The following ADGRB3 variants were observed in gnomAD, a reference collection of about 807,000 sequenced individuals.
The protein encoded by ADGRB3 is brain-specific angiogenesis inhibitor 3.
In ADGRB3, 37 loss-of-function variants were observed where a neutral mutation model predicts 193.4. The ratio of observed to expected loss-of-function variants is 0.19; its 90% confidence interval spans 0.15 to 0.25. ADGRB3 has a LOEUF of 0.25. Ranked by LOEUF, ADGRB3 falls within the 10% of genes least tolerant of loss-of-function variation. The probability of loss-of-function intolerance (pLI) is 1.00; values close to 1 mark genes in which losing one functional copy is unlikely to be tolerated. For missense variants in ADGRB3, 1,637 were observed against 1,852.9 expected (o/e 0.88, Z 2.14); for synonymous variants, 690 against 644.2 (o/e 1.07, Z -1.08).
rs550649766 is a variant in ADGRB3 at position 68,737,038 on chromosome 6, CTG to C, written c.757+97609_757+97610del. Among the ~76,000 whole-genome samples the C allele has an allele frequency of 5.9e-5, 9 of 152,118 alleles. No individual in the cohort carries two copies. The South Asian group carries it at 1.7e-3, about 28-fold the overall frequency. On this transcript the variant is annotated intron_variant, in intron 3 of 31. Coordinates refer to ENST00000370598, the MANE Select transcript of ADGRB3 (RefSeq NM_001704.3). ...ATATTACTTACGGCTATGTTTTAAT[CTG>C]TGAGAAAAGTATAATTTGCTTAAAT... is the stretch of plus-strand genomic sequence containing the variant.
At chr6:69,070,480 T>G (rs1772048258) in intron 16 of ADGRB3, among the ~76,000 whole-genome samples, 1 of 152,196 alleles carries the variant, frequency 6.6e-6, no homozygotes, top group Admixed American at 6.5e-5. Flanking sequence ...AGGAATATGC[T>G]TTAATGATCT....
chr6:68,879,295 C>A (rs1765673278), intron 3 of ADGRB3, among the ~76,000 whole-genome samples: 1 of 142,562 alleles, frequency 7.0e-6, no homozygotes, highest in South Asian at 2.3e-4. Flanking sequence ...CGGCTCACTG[C>A]AAGCTCCGCC....
intron 29 of ADGRB3, among the ~76,000 whole-genome samples, chr6:69,364,441 C>G (rs1582659065): frequency 6.6e-6 from 1 of 152,014 alleles, no homozygotes; most frequent in Non-Finnish European, 1.5e-5. Flanking sequence ...CAGCTTCCAG[C>G]CTTCATGGGA....
intron 3 of ADGRB3, among the ~76,000 whole-genome samples, chr6:68,843,302 A>G (rs1024765713): frequency 6.6e-6 from 1 of 152,042 alleles, no homozygotes; most frequent in African/African-American, 2.4e-5. Context: ...AAAAACTATT[A>G]GAGATAATAA....
At chr6:69,102,676 A>C (rs542041456) in intron 17 of ADGRB3, among the ~76,000 whole-genome samples, 1 of 152,372 alleles carries the variant, frequency 6.6e-6, no homozygotes, top group East Asian at 1.9e-4. Context: ...AGTGAAAAAT[A>C]GAGCATCAGT....
At chr6:69,334,025 T>C (rs1768788789) in intron 24 of ADGRB3, among the ~76,000 whole-genome samples, 1 of 148,344 alleles carries the variant, frequency 6.7e-6, no homozygotes, top group Admixed American at 6.7e-5. Flanking sequence ...ATAAAAAATA[T>C]GTATATATAA....
At chr6:68,893,668 A>T (rs1766142091) in intron 3 of ADGRB3, among the ~76,000 whole-genome samples, 1 of 151,996 alleles carries the variant, frequency 6.6e-6, no homozygotes, top group Non-Finnish European at 1.5e-5. Flanking sequence ...GCTTTTATGA[A>T]ACAAAGCGAG....
At chr6:68,701,518 A>G (rs1033836447) in intron 3 of ADGRB3, among the ~76,000 whole-genome samples, 12 of 152,202 alleles carry the variant, frequency 7.9e-5, no homozygotes, top group Admixed American at 1.3e-4. Context: ...CTTGTGATGT[A>G]TATATCTTTA....
intron 3 of ADGRB3, among the ~76,000 whole-genome samples, chr6:68,787,162 T>G (rs553815620): frequency 2.0e-5 from 3 of 152,170 alleles, no homozygotes; most frequent in African/African-American, 7.2e-5. Flanking sequence ...TCCTGCATGA[T>G]TGCCCTGGCC....
intron 4 of ADGRB3, among the ~76,000 whole-genome samples, 181 bp downstream of exon 4, chr6:68,930,850 A>G (rs1000468885): frequency 3.3e-5 from 5 of 152,128 alleles, no homozygotes; most frequent in Non-Finnish European, 7.4e-5. Context: ...GTGCACAAAA[A>G]TTATGTAAGA....
At chr6:68,886,702 T>TAACATTCAAATAG (rs1765916981) in intron 3 of ADGRB3, among the ~76,000 whole-genome samples, 4 of 152,192 alleles carry the variant, frequency 2.6e-5, no homozygotes, top group Admixed American at 2.6e-4. Context: ...TCCTTAACTG[T>TAACATTCAAATAG]AACATTCAAA....
chr6:68,719,912 A>C (rs1765547953), intron 3 of ADGRB3, among the ~76,000 whole-genome samples: 1 of 151,706 alleles, frequency 6.6e-6, no homozygotes, highest in African/African-American at 2.4e-5. Flanking sequence ...AGGGTCAGAA[A>C]GAAGAGAGAG....
At chr6:69,353,909 C>T (rs1422699883) in intron 26 of ADGRB3, among the ~76,000 whole-genome samples, 1 of 151,952 alleles carries the variant, frequency 6.6e-6, no homozygotes, top group African/African-American at 2.4e-5. Flanking sequence ...ACTAAAAATA[C>T]AATATTAGTC....
intron 18 of ADGRB3, among the ~76,000 whole-genome samples, chr6:69,234,346 G>C (rs1766216355): frequency 6.6e-6 from 1 of 151,932 alleles, no homozygotes; most frequent in Admixed American, 6.6e-5. Context: ...AAGACAGAAA[G>C]CTTATTTTTC....
intron 17 of ADGRB3, among the ~76,000 whole-genome samples, chr6:69,136,246 C>T (rs1010981522): frequency 6.6e-6 from 1 of 151,916 alleles, no homozygotes; most frequent in Non-Finnish European, 1.5e-5. Flanking sequence ...GAAATGTCAT[C>T]CTAAATAAAA....
intron 3 of ADGRB3, among the ~76,000 whole-genome samples, chr6:68,774,154 AT>A (rs35018732): frequency 0.84 from 127,435 of 150,862 alleles, 54,236 homozygotes; most frequent in Middle Eastern, 0.95. Flanking sequence ...TTAAAATGTT[AT>A]TTTTTTTTTT....
chr6:68,803,758 A>C (rs1360591527), intron 3 of ADGRB3, among the ~76,000 whole-genome samples: 1 of 152,202 alleles, frequency 6.6e-6, no homozygotes, highest in Admixed American at 6.5e-5. Flanking sequence ...TGGGTTCGTC[A>C]GTTGATGCAC....
At position 68,867,070 on chromosome 6, in the gene ADGRB3, A is replaced by C. The variant is rs144791563; in HGVS notation, c.758-63489A>C. On this transcript the variant is annotated intron_variant, in intron 3 of 31. Coordinates refer to ENST00000370598, the MANE Select transcript of ADGRB3 (RefSeq NM_001704.3). ...CAAGCCAGCTGGAGAAATTTGCATA[A>C]GTAAAGAGGAGCCAAATGTTAAGAC... Among the ~76,000 whole-genome samples the C allele has an allele frequency of 5.3e-3, 813 of 152,322 alleles. 8 individuals carry two copies. Among genetic ancestry groups the C allele is most frequent in the African/African-American group, 0.018 (765 of 41,578 alleles).
intron 3 of ADGRB3, among the ~76,000 whole-genome samples, chr6:68,733,331 G>A (rs773603923): frequency 2.1e-4 from 32 of 150,078 alleles, no homozygotes; most frequent in African/African-American, 4.4e-4. Context: ...GAATGACATC[G>A]TGTCCTTTGC....
Sources: allele counts gnomAD v4.1 joint callset (sites outside exome capture counted in the v4.1 genomes callset), GRCh38; gene constraint gnomAD v4.1.1; transcripts MANE v1.5; gene names NCBI Gene and HGNC (gene_info 2026-07-23, HGNC 2026-07-21).